The following CEP350 variants were observed in gnomAD, a reference collection of about 807,000 sequenced individuals.
CEP350 encodes centrosomal protein 350.
In CEP350, 126 loss-of-function variants were observed where a neutral mutation model predicts 331.8. That is an observed-to-expected ratio of 0.38 (90% CI 0.33 to 0.44). The LOEUF is 0.44. Among genes scored for constraint, CEP350 ranks in the 20% least tolerant of loss-of-function variants. The pLI is 1.00. For missense variants in CEP350, 3,406 were observed against 3,634.6 expected, an observed-to-expected ratio of 0.94 and a Z score of 1.62; for synonymous variants, 1,200 against 1,259.5, an observed-to-expected ratio of 0.95 and a Z score of 1.00.
rs576138556 is a variant in CEP350 at position 179,997,474 on chromosome 1, C to T, written c.1018+299C>T. ...AGGAGAATGGTGTGAACCCGGGAGG[C>T]GGAGGTTACACTGAGCCGAGATCTC... On this transcript the variant is annotated intron_variant, in intron 6 of 37. Transcript: ENST00000367607. 3.9e-4 allele frequency among the ~76,000 whole-genome samples: 55 copies of T among 140,002 alleles called. No individual in the cohort carries two copies. Among genetic ancestry groups the T allele is most frequent in the Non-Finnish European group, 7.1e-4 (46 of 64,668 alleles). The allele number at this position is 140,002 out of a possible 152,430, so 91.8% of individuals were successfully genotyped here.
Position 180,041,665 on chromosome 1 carries a change from C to T in CEP350, c.4225C>T (p.His1409Tyr), listed in dbSNP as rs1483244362. The change falls in exon 19 of 38, where the codon CAT (histidine) becomes TAT (tyrosine). Residue 1409 changes from histidine to tyrosine, a missense_variant. Physicochemically the swap from His to Tyr is moderately conservative, Grantham distance 83. Coordinates refer to ENST00000367607, the MANE Select transcript of CEP350 (RefSeq NM_014810.5). ...TTTAAACCCCTTTTATTTAAAGGTC[C>T]ATGCAGAATCATTACAGCAGGTGGT... ...EETRNKAAQV[H>Y]AESLQQVVQS... 1 of 1,612,192 alleles carries T rather than the reference C, an allele frequency of 6.2e-7. No homozygotes were observed. The highest frequency in any genetic ancestry group is 8.5e-7 in the Non-Finnish European group (1 of 1,178,956).
At chr1:180,032,022 A>G (rs1423992689) in intron 15 of CEP350, among the ~76,000 whole-genome samples, 1 of 150,176 alleles carries the variant, frequency 6.7e-6, no homozygotes, top group Non-Finnish European at 1.5e-5. Flanking sequence ...TTTTCTGCTG[A>G]ACTTACTAGA....
chr1:180,085,897 A>G (rs1415661125), intron 31 of CEP350: 1 of 152,192 alleles, frequency 6.6e-6, no homozygotes. Context: ...AGCTAATTAC[A>G]CATATTTTTC....
intron 19 of CEP350, 33 bp downstream of exon 19, chr1:180,041,835 TTCTTTTTAGTCAA>T (rs776083616): frequency 1.3e-6 from 2 of 1,586,018 alleles, no homozygotes; most frequent in Admixed American, 3.6e-5. Context: ...CTCTTTTTAC[TTCTTTTTAGTCAA>T]TCTGAGTAAC....
At chr1:180,106,083 A>T (rs1184811139) in intron 37 of CEP350, among the ~76,000 whole-genome samples, 2 of 152,208 alleles carry the variant, frequency 1.3e-5, no homozygotes, top group Non-Finnish European at 2.9e-5. Context: ...TACATTCTCA[A>T]AGTATAGATG....
intron 34 of CEP350, among the ~76,000 whole-genome samples, chr1:180,094,927 T>G (rs1034716877): frequency 1.3e-5 from 2 of 152,232 alleles, no homozygotes; most frequent in Admixed American, 1.3e-4. Flanking sequence ...GTACTGTCCA[T>G]AGATTACATC....
At chr1:179,955,206 G>A in intron 1 of CEP350, 64 bp downstream of exon 1, 1 of 1,229,764 alleles carries the variant, frequency 8.1e-7, no homozygotes, top group South Asian at 1.6e-5. Flanking sequence ...GTCTCTGTCC[G>A]CGGTCCCGGG....
chr1:179,969,201 C>T, intron 1 of CEP350: 1 of 553,964 alleles, frequency 1.8e-6, no homozygotes, highest in Non-Finnish European at 3.4e-6. Flanking sequence ...GCCACCATTT[C>T]CTGTGAACAC....
At chr1:180,046,472 T>A (rs1657127261) in intron 21 of CEP350, among the ~76,000 whole-genome samples, 2 of 152,226 alleles carry the variant, frequency 1.3e-5, no homozygotes, top group Admixed American at 1.3e-4. Flanking sequence ...ATTTTATTTA[T>A]CCATTCATCA....
In CEP350 at chr1:180,090,747, A is replaced by G; in HGVS notation, c.6459A>G (p.Thr2153=). 2 of 1,553,988 alleles carry G rather than the reference A, an allele frequency of 1.3e-6. No individual in the cohort carries two copies. Among genetic ancestry groups the G allele is most frequent in the South Asian group, 1.2e-5 (1 of 83,684 alleles). The change falls in exon 33 of 38, where the codon ACA becomes ACG. Residue 2153 remains threonine, a synonymous_variant. Coordinates refer to ENST00000367607, the MANE Select transcript of CEP350 (RefSeq NM_014810.5). ...CGGCAAAGAATTGGAAATCACTAAC[A>G]GAGTCAGAACGTTCCAGAGGATCCC... ...SETAKNWKSL[T]ESERSRGSLE...
rs1477431155 is a variant in CEP350, at chr1:179,992,270, A to AGG, written c.395+49_395+50insGG. 3 of 1,389,780 alleles carry AGG rather than the reference A, an allele frequency of 2.2e-6. No homozygotes were observed. In the African/African-American group the frequency reaches 4.5e-5, roughly 21 times the overall value. The allele number at this position is 1,389,780 out of a possible 1,614,324, so 86.1% of individuals were successfully genotyped here. ...GTATCAAATAGGTTTAGCCTGTAAT[A>AGG]TTTACAGTAAGAGTATACGTTGTTT... On this transcript the variant is annotated intron_variant, in intron 5 of 37. Transcript: ENST00000367607.
Position 180,020,171 on chromosome 1 carries a change from T to C in CEP350, c.2397T>C (p.Tyr799=). Residue 799 remains tyrosine (Y), a synonymous_variant, in exon 12 of 38, where the codon TAT becomes TAC. Coordinates refer to ENST00000367607, the MANE Select transcript of CEP350 (RefSeq NM_014810.5). ...SRPLTFTPQP[Y]VTSPAAYTDA... ...CATTAACTTTTACACCTCAACCATA[T>C]GTGACCTCACCAGCTGCTTATACAG... The C allele has an allele frequency of 6.2e-7, 1 of 1,614,022 alleles. No homozygotes were observed. Among genetic ancestry groups the C allele is most frequent in the East Asian group, 2.2e-5 (1 of 44,878 alleles).
intron 30 of CEP350, among the ~76,000 whole-genome samples, chr1:180,081,034 AT>A (rs113533567): frequency 3.2e-3 from 440 of 139,180 alleles, no homozygotes; most frequent in Middle Eastern, 0.019. Context: ...TAATTTTTGT[AT>A]TTTTTTTTTT....
chr1:180,110,272 AC>A (rs1313169652), intron 37 of CEP350, among the ~76,000 whole-genome samples: 5 of 152,192 alleles, frequency 3.3e-5, no homozygotes, highest in Non-Finnish European at 7.3e-5. Flanking sequence ...GGTTCGACTT[AC>A]TGTTTTTCAA....
intron 1 of CEP350, among the ~76,000 whole-genome samples, chr1:179,967,595 A>G (rs1651112574): frequency 6.6e-6 from 1 of 152,064 alleles, no homozygotes; most frequent in Non-Finnish European, 1.5e-5. Flanking sequence ...TATTTTTAAT[A>G]GAGATGGGGT....
intron 25 of CEP350, among the ~76,000 whole-genome samples, chr1:180,061,042 A>T (rs1390108951): frequency 6.6e-5 from 10 of 151,960 alleles, no homozygotes; most frequent in Admixed American, 5.9e-4. Context: ...GAATATTAAC[A>T]ATTGTTAACT....
intron 25 of CEP350, among the ~76,000 whole-genome samples, chr1:180,059,550 T>C (rs1174407399): frequency 2.0e-5 from 3 of 152,244 alleles, no homozygotes; most frequent in African/African-American, 7.2e-5. Flanking sequence ...AAATCCATAA[T>C]CAGACATCTT....
At chr1:180,030,213 G>GTATA (rs35905506) in intron 14 of CEP350, among the ~76,000 whole-genome samples, 8,531 of 142,814 alleles carry the variant, frequency 0.06, 299 homozygotes, top group Middle Eastern at 0.1. Context: ...TAAATTTTTT[G>GTATA]TATATATATA....
At chr1:180,110,923 A>G (rs1661436612) in intron 37 of CEP350, 74 bp from the exon 38 acceptor site, 1 of 1,334,924 alleles carries the variant, frequency 7.5e-7, no homozygotes, top group Non-Finnish European at 1.1e-6. Context: ...GGATAGGACT[A>G]CAAAGTCAGC....
Sources: allele counts gnomAD v4.1 joint callset (sites outside exome capture counted in the v4.1 genomes callset), GRCh38; gene constraint gnomAD v4.1.1; transcripts MANE v1.5; gene names NCBI Gene and HGNC (gene_info 2026-07-23, HGNC 2026-07-21).